The following DCC variants were observed in gnomAD, a reference collection of about 807,000 sequenced individuals.
DCC encodes the protein netrin receptor DCC.
In DCC, 58 loss-of-function variants were observed where a neutral mutation model predicts 172.5. The ratio of observed to expected loss-of-function variants is 0.34; its 90% CI spans 0.27 to 0.42. The LOEUF is 0.42. Ranked by LOEUF, DCC falls within the 10% of genes least tolerant of loss-of-function variation. The probability of loss-of-function intolerance (pLI) is 1.00; values close to 1 mark genes in which losing one functional copy is unlikely to be tolerated. For missense variants in DCC, 1,740 were observed against 1,791.0 expected (o/e 0.97, Z 0.51); for synonymous variants, 709 against 644.5 (o/e 1.10, Z -1.52).
rs188733830 is a variant in DCC, at chr18:52,826,608, G to A, written c.412+74234G>A. 3.6e-3 allele frequency among the ~76,000 whole-genome samples: 548 copies of A among 152,146 alleles called. 1 individual carries two copies. Among genetic ancestry groups the A allele is most frequent in the Non-Finnish European group, 5.6e-3 (380 of 68,000 alleles). Reference sequence around the variant, plus strand: ...CAACTCTCCGGCCTCAGCTTCCTGCGTAGCTGGGACTGTGCGTGAGCCACC... The same window carrying A: ...CAACTCTCCGGCCTCAGCTTCCTGCATAGCTGGGACTGTGCGTGAGCCACC... On this transcript the variant is annotated intron_variant, in intron 2 of 28. Transcript: ENST00000442544.
At chr18:53,527,188 A>AGAC (rs56177345) in intron 28 of DCC, among the ~76,000 whole-genome samples, 5 of 150,026 alleles carry the variant, frequency 3.3e-5, no homozygotes, top group East Asian at 2.0e-4. Flanking sequence ...AAATAAGACT[A>AGAC]TATAACTCTT....
rs772925573 is a variant in DCC at position 52,906,184 on chromosome 18, G to C, written c.553G>C (p.Gly185Arg). 1.2e-6 allele frequency: 2 copies of C among 1,614,050 alleles called. No individual in the cohort carries two copies. The highest frequency in any genetic ancestry group is 4.5e-5 in the East Asian group (2 of 44,838). ...CCAACAAGACCTGACTCCAATCCCA[G>C]GTGACTCCCGAGTGGTGGTCTTGCC... Reference protein sequence around the residue: ...KNQQDLTPIPGDSRVVVLPSG... With the variant: ...KNQQDLTPIPRDSRVVVLPSG... Residue 185 changes from glycine (G) to arginine (R), a missense_variant, in exon 3 of 29, where the codon GGT (glycine) becomes CGT (arginine). This residue lies in a region of DCC where 1,732 missense variants were observed against 1,767.4 expected (regional missense o/e 0.98). Coordinates refer to ENST00000442544, the MANE Select transcript of DCC (RefSeq NM_005215.4).
chr18:52,797,019 T>C (rs1197366658), intron 2 of DCC, among the ~76,000 whole-genome samples: 1 of 151,728 alleles, frequency 6.6e-6, no homozygotes, highest in Admixed American at 6.6e-5. Flanking sequence ...CCTTTTTTTT[T>C]TCTTCTGCCT....
At chr18:53,351,756 A>T (rs892232047) in intron 15 of DCC, among the ~76,000 whole-genome samples, 2 of 151,658 alleles carry the variant, frequency 1.3e-5, no homozygotes, top group East Asian at 3.9e-4. Context: ...TCTGAGTCAG[A>T]ATAGCTTAGA....
At chr18:53,274,019 GC>G (rs1232288137) in intron 12 of DCC, among the ~76,000 whole-genome samples, 1 of 152,044 alleles carries the variant, frequency 6.6e-6, no homozygotes, top group Non-Finnish European at 1.5e-5. Context: ...TCATTGACAA[GC>G]AGCAAGATAC....
At chr18:53,167,579 T>A (rs1485990410) in intron 8 of DCC, among the ~76,000 whole-genome samples, 1 of 152,208 alleles carries the variant, frequency 6.6e-6, no homozygotes, top group East Asian at 1.9e-4. Context: ...AATTATTCTC[T>A]TTTAATTTCA....
intron 1 of DCC, among the ~76,000 whole-genome samples, chr18:52,684,720 A>C (rs950029439): frequency 6.8e-6 from 1 of 146,954 alleles, no homozygotes; most frequent in Admixed American, 7.0e-5. Flanking sequence ...GGCCTTTTAC[A>C]TAGTTTCCAA....
At chr18:52,832,169 T>C (rs190109720) in intron 2 of DCC, among the ~76,000 whole-genome samples, 2 of 152,274 alleles carry the variant, frequency 1.3e-5, no homozygotes, top group Non-Finnish European at 2.9e-5. Flanking sequence ...CTTTACATGA[T>C]GGCACCAGCC....
intron 7 of DCC, among the ~76,000 whole-genome samples, chr18:53,112,134 A>T (rs2043342512): frequency 6.6e-6 from 1 of 151,540 alleles, no homozygotes; most frequent in African/African-American, 2.4e-5. Context: ...AATAAGTAAA[A>T]TCTTGTCTTA....
chr18:52,984,079 A>G (rs1475836404), intron 5 of DCC, among the ~76,000 whole-genome samples: 1 of 152,148 alleles, frequency 6.6e-6, no homozygotes, highest in African/African-American at 2.4e-5. Flanking sequence ...CAAAGTGTGT[A>G]TGGCACTGTT....
Position 53,473,504 on chromosome 18 carries a change from T to A in DCC, c.3736+5494T>A, listed in dbSNP as rs557448300. ...GATGTATTAAGAGCAGTTAAACTTG[T>A]TTTCATTAAACAGAAAAGGAAATAA... On this transcript the variant is annotated intron_variant, in intron 25 of 28. Transcript: ENST00000442544. Among the ~76,000 whole-genome samples the A allele has an allele frequency of 6.6e-5, 10 of 152,264 alleles. 1 individual carries two copies. The South Asian group carries it at 2.1e-3, about 32-fold the overall frequency.
At chr18:52,640,803 C>T (rs148328028) in intron 1 of DCC, among the ~76,000 whole-genome samples, 14 of 152,120 alleles carry the variant, frequency 9.2e-5, no homozygotes, top group African/African-American at 3.1e-4. Flanking sequence ...AAGGAATCTA[C>T]AAATTCAATA....
intron 2 of DCC, among the ~76,000 whole-genome samples, chr18:52,874,477 T>C (rs926824949): frequency 5.3e-5 from 8 of 152,196 alleles, no homozygotes; most frequent in African/African-American, 1.7e-4. Flanking sequence ...AATCAATTTT[T>C]AGTTTATTAT....
At chr18:53,157,278 T>C (rs1347697551) in intron 7 of DCC, 78 bp from the exon 8 acceptor site, 17 of 1,568,018 alleles carry the variant, frequency 1.1e-5, no homozygotes, top group Non-Finnish European at 1.4e-5. Flanking sequence ...TGCTTGCTAA[T>C]AGGTTGGCTC....
chr18:53,033,416 C>T (rs905870784), intron 5 of DCC, among the ~76,000 whole-genome samples: 6 of 152,162 alleles, frequency 3.9e-5, no homozygotes, highest in African/African-American at 1.2e-4. Flanking sequence ...CCTTTCTCCT[C>T]ATTCCTTCAC....
At chr18:53,387,386 T>C (rs959367719) in intron 16 of DCC, among the ~76,000 whole-genome samples, 3 of 152,198 alleles carry the variant, frequency 2.0e-5, no homozygotes, top group Admixed American at 6.5e-5. Flanking sequence ...GACCATTGTT[T>C]CCAGGTCTAC....
chr18:53,241,951 G>T (rs1171849867), intron 12 of DCC, among the ~76,000 whole-genome samples: 1 of 152,140 alleles, frequency 6.6e-6, no homozygotes, highest in African/African-American at 2.4e-5. Context: ...AAGTCAAATT[G>T]TCCCTGTTTG....
chr18:52,414,602 C>T (rs573199602), intron 1 of DCC, among the ~76,000 whole-genome samples: 21 of 152,210 alleles, frequency 1.4e-4, no homozygotes, highest in African/African-American at 4.6e-4. Flanking sequence ...GCATTAACTG[C>T]ATAGACAGCT....
chr18:52,749,602 C>T (rs577034813), intron 1 of DCC, among the ~76,000 whole-genome samples: 1 of 152,258 alleles, frequency 6.6e-6, no homozygotes, highest in Non-Finnish European at 1.5e-5. Flanking sequence ...CTCAAATTGC[C>T]ATTGAACTGC....
Sources: allele counts gnomAD v4.1 joint callset (sites outside exome capture counted in the v4.1 genomes callset), GRCh38; gene constraint gnomAD v4.1.1; regional missense constraint gnomAD v4.1.1; transcripts MANE v1.5; gene names NCBI Gene and HGNC (gene_info 2026-07-23, HGNC 2026-07-21).